Variants in XKR9 observed in about 807,000 individuals in gnomAD.
The protein encoded by XKR9 is XK related 9.
A neutral mutation model predicts 32.0 loss-of-function variants in XKR9; 32 were observed. The ratio of observed to expected loss-of-function variants is 1.00; its 90% CI spans 0.76 to 1.34. XKR9 has a LOEUF of 1.34. Ranked by LOEUF, XKR9 falls within the 40% of genes most tolerant of loss-of-function variation. XKR9 has a pLI of 0.00. For synonymous variants in XKR9, 168 were observed against 143.4 expected, an observed-to-expected ratio of 1.17 and a Z score of -1.22; for missense variants, 546 against 429.7, an observed-to-expected ratio of 1.27 and a Z score of -2.39.
At chr8:71,032,448 G>A in the XKR9 span, among the ~76,000 whole-genome samples, 1 of 152,092 alleles carries the variant, frequency 6.6e-6, no homozygotes, top group Non-Finnish European at 1.5e-5. Flanking sequence ...ACATGGTTGA[G>A]TGGTTTCTTT....
chr8:70,963,072 C>T, the XKR9 span, among the ~76,000 whole-genome samples: 3 of 152,096 alleles, frequency 2.0e-5, no homozygotes, highest in African/African-American at 7.2e-5. Context: ...CAACCCATCA[C>T]CCAGGTATTA....
intron 1 of XKR9, among the ~76,000 whole-genome samples, chr8:70,672,653 A>T (rs375525894): frequency 6.6e-6 from 1 of 152,070 alleles, no homozygotes; most frequent in Admixed American, 6.6e-5. Flanking sequence ...ACTGTTTTCC[A>T]TAGCGGTTGT....
the XKR9 span, among the ~76,000 whole-genome samples, chr8:70,901,927 A>G: frequency 7.2e-5 from 11 of 152,140 alleles, no homozygotes; most frequent in Admixed American, 2.6e-4. Context: ...TCCTTTCCCC[A>G]TTGCTTGTTT....
intron 3 of XKR9, among the ~76,000 whole-genome samples, chr8:70,696,449 C>T (rs2132146296): frequency 6.6e-6 from 1 of 151,376 alleles, no homozygotes; most frequent in African/African-American, 2.4e-5. Context: ...AATCCTTTCC[C>T]CATTGCTTGT....
downstream of XKR9, among the ~76,000 whole-genome samples, chr8:70,792,357 C>T (rs933540892): frequency 2.6e-5 from 4 of 152,110 alleles, no homozygotes; most frequent in African/African-American, 7.2e-5. Flanking sequence ...GATCCTCAGG[C>T]GTGAGTTGCC....
chr8:70,976,441 T>C, the XKR9 span, among the ~76,000 whole-genome samples: 1 of 152,242 alleles, frequency 6.6e-6, no homozygotes, highest in African/African-American at 2.4e-5. Flanking sequence ...TGTTGAATTT[T>C]GTTGAAGGCC....
the XKR9 span, among the ~76,000 whole-genome samples, chr8:71,002,364 G>T: frequency 1.1e-5 from 1 of 90,060 alleles, no homozygotes; most frequent in Non-Finnish European, 3.2e-5. Flanking sequence ...CTAAAGCCGT[G>T]GTAGGTTTTT....
chr8:70,935,144 C>CAT, the XKR9 span, among the ~76,000 whole-genome samples: 19 of 144,622 alleles, frequency 1.3e-4, no homozygotes, highest in African/African-American at 4.1e-4. Flanking sequence ...TATATATACA[C>CAT]ATATATACAT....
the XKR9 span, among the ~76,000 whole-genome samples, chr8:70,927,626 T>C: frequency 6.6e-6 from 1 of 152,136 alleles, no homozygotes; most frequent in Admixed American, 6.5e-5. Flanking sequence ...CAGGCAGGTC[T>C]CTGATACCTC....
the XKR9 span, among the ~76,000 whole-genome samples, chr8:70,967,270 C>T: frequency 2.0e-5 from 3 of 151,874 alleles, no homozygotes; most frequent in Non-Finnish European, 4.4e-5. Flanking sequence ...GGGGTTTCAC[C>T]GTGTTAGCCA....
At chr8:70,670,528 G>A (rs1477943) in intron 1 of XKR9, 50,115 of 150,856 alleles carry the variant, frequency 0.33, 9,421 homozygotes, top group Non-Finnish European at 0.43. Flanking sequence ...TTTAAAAAAA[G>A]GTGAGAAATT....
the XKR9 span, among the ~76,000 whole-genome samples, chr8:70,877,152 A>T: frequency 6.6e-6 from 1 of 152,092 alleles, no homozygotes; most frequent in East Asian, 1.9e-4. Context: ...GTGGATCTGA[A>T]GGTTTTCCTT....
chr8:70,697,084 C>A (rs1298282297), intron 3 of XKR9, among the ~76,000 whole-genome samples: 1 of 151,174 alleles, frequency 6.6e-6, no homozygotes, highest in Non-Finnish European at 1.5e-5. Flanking sequence ...AGATTTTGGG[C>A]TGAGACAATG....
chr8:70,937,003 G>T, the XKR9 span, among the ~76,000 whole-genome samples: 1 of 151,940 alleles, frequency 6.6e-6, no homozygotes, highest in African/African-American at 2.4e-5. Flanking sequence ...TGCAGCAAAT[G>T]ATCAGATTAC....
the XKR9 span, among the ~76,000 whole-genome samples, chr8:70,890,832 C>T: frequency 8.9e-4 from 135 of 152,046 alleles, no homozygotes; most frequent in African/African-American, 3.1e-3. Context: ...AGAAAAATTG[C>T]CTCCTCTTCA....
chr8:71,058,492 C>T, the XKR9 span, among the ~76,000 whole-genome samples: 1 of 152,174 alleles, frequency 6.6e-6, no homozygotes, highest in Non-Finnish European at 1.5e-5. Flanking sequence ...TCCCATTAGT[C>T]TAGGCAATAT....
chr8:70,992,629 A>C, the XKR9 span, among the ~76,000 whole-genome samples: 1 of 152,220 alleles, frequency 6.6e-6, no homozygotes, highest in Non-Finnish European at 1.5e-5. Context: ...TATAGGGGAC[A>C]ATAGAAGGAG....
At chr8:70,865,129 G>T in the XKR9 span, among the ~76,000 whole-genome samples, 1 of 152,170 alleles carries the variant, frequency 6.6e-6, no homozygotes, top group South Asian at 2.1e-4. Flanking sequence ...GGAAAGGGGG[G>T]TTGAATGCTT....
the XKR9 span, among the ~76,000 whole-genome samples, chr8:70,854,141 C>A: frequency 2.0e-5 from 3 of 152,192 alleles, no homozygotes; most frequent in African/African-American, 7.2e-5. Context: ...ACAGTCCCAG[C>A]AACAGTGTAA....
Sources: allele counts gnomAD v4.1 joint callset (sites outside exome capture counted in the v4.1 genomes callset), GRCh38; gene constraint gnomAD v4.1.1; transcripts MANE v1.5; gene names NCBI Gene and HGNC (gene_info 2026-07-23, HGNC 2026-07-21).